The following CCDC7 variants were observed in gnomAD, a reference collection of about 807,000 sequenced individuals.
CCDC7 encodes coiled-coil domain-containing protein 7.
CCDC7 carries 183 observed loss-of-function variants against 196.9 expected under a neutral mutation model. The ratio of observed to expected loss-of-function variants is 0.93; its 90% CI spans 0.82 to 1.05. The LOEUF (loss-of-function observed/expected upper bound fraction) is 1.05, where lower values mean the gene tolerates loss of function less well. Ranked by LOEUF, CCDC7 falls within the 50% of genes least tolerant of loss-of-function variation. The probability of loss-of-function intolerance (pLI) is 0.00; values close to 1 mark genes in which losing one functional copy is unlikely to be tolerated. For synonymous variants in CCDC7, 525 were observed against 484.6 expected (o/e 1.08, Z -1.10); for missense variants, 1,540 against 1,482.2 (o/e 1.04, Z -0.64).
rs552957790 is a variant in CCDC7, at chr10:32,807,888, G to A, written c.3097+2790G>A. 7.2e-5 allele frequency among the ~76,000 whole-genome samples: 11 copies of A among 152,022 alleles called. No homozygotes were observed. The East Asian group carries it at 1.4e-3, about 19-fold the overall frequency. ...TGGGACTACAGGCATGCACCACCAT[G>A]CCCAGCTAATTTTTGTATTTTCAGT... On this transcript the variant is annotated intron_variant, in intron 30 of 41. Coordinates refer to ENST00000639629, the Ensembl canonical transcript of CCDC7.
intron 9 of CCDC7, among the ~76,000 whole-genome samples, chr10:32,494,641 C>T (rs11596240): frequency 0.35 from 52,816 of 151,966 alleles, 11,502 homozygotes; most frequent in Non-Finnish European, 0.5. Flanking sequence ...CGAGAACATG[C>T]GGTGTTTGGT....
chr10:32,808,033 A>C (rs2086227226), intron 30 of CCDC7, among the ~76,000 whole-genome samples: 1 of 151,826 alleles, frequency 6.6e-6, no homozygotes. Context: ...ACTGAGAGCA[A>C]CTCAATCCTA....
chr10:32,805,143 C>T, intron 30 of CCDC7, 45 bp downstream of exon 31: 1 of 1,405,100 alleles, frequency 7.1e-7, no homozygotes, highest in Non-Finnish European at 1.0e-6. Context: ...TTATTTTTCT[C>T]CTTCAAAGTT....
intron 28 of CCDC7, among the ~76,000 whole-genome samples, chr10:32,735,834 T>C (rs2084770362): frequency 6.6e-6 from 1 of 152,186 alleles, no homozygotes; most frequent in Non-Finnish European, 1.5e-5. Context: ...CCACTATGAG[T>C]TCATTTTTGG....
chr10:32,856,631 C>G (rs1404805470), intron 41 of CCDC7, among the ~76,000 whole-genome samples: 1 of 152,200 alleles, frequency 6.6e-6, no homozygotes, highest in Non-Finnish European at 1.5e-5. Flanking sequence ...CCTGACCTCA[C>G]AGAGCCTGCG....
chr10:32,470,671 T>A lies in CCDC7; in HGVS notation c.511-393T>A, dbSNP rs1471752768. Among the ~76,000 whole-genome samples, 3 of 152,158 alleles carry A rather than the reference T, an allele frequency of 2.0e-5. No individual in the cohort carries two copies. The East Asian group carries it at 5.8e-4, about 29-fold the overall frequency. ...GAGTTAGTAATAGACAGTATTAGCC[T>A]TTGAGAGAAAATTACTGTCTTTAGA... is the stretch of plus-strand genomic sequence containing the variant. On this transcript the variant is annotated intron_variant, in intron 5 of 41. Transcript: ENST00000639629.
intron 13 of CCDC7, among the ~76,000 whole-genome samples, chr10:32,555,636 T>G (rs1339490099): frequency 6.6e-6 from 1 of 151,996 alleles, no homozygotes; most frequent in African/African-American, 2.4e-5. Context: ...ATATATAGGG[T>G]GGGAAAAAAT....
At chr10:32,535,813 G>A (rs79941587) in intron 11 of CCDC7, among the ~76,000 whole-genome samples, 8,066 of 152,246 alleles carry the variant, frequency 0.053, 707 homozygotes, top group African/African-American at 0.18. Context: ...TGCAGATGCA[G>A]ATTTCCCTGG....
exon 23 of CCDC7, chr10:32,882,710 T>C (rs2094835760): frequency 6.6e-6 from 1 of 152,226 alleles, no homozygotes. Flanking sequence ...CTTTACCATA[T>C]GGAACAATTT....
chr10:32,779,613 TA>T (rs1392337418), intron 29 of CCDC7, among the ~76,000 whole-genome samples: 11 of 152,280 alleles, frequency 7.2e-5, no homozygotes, highest in Non-Finnish European at 1.6e-4. Flanking sequence ...TCTAATAAGA[TA>T]AAACCAAAGT....
chr10:32,695,567 G>A (rs1223564741), intron 24 of CCDC7, among the ~76,000 whole-genome samples: 1 of 152,128 alleles, frequency 6.6e-6, no homozygotes, highest in Non-Finnish European at 1.5e-5. Flanking sequence ...CCTTTTACTT[G>A]TTGGGGCTAA....
rs569145580 is a variant in CCDC7 at position 32,826,898 on chromosome 10, C to T, written c.3268+2294C>T. Among the ~76,000 whole-genome samples the T allele has an allele frequency of 5.8e-4, 88 of 152,280 alleles. No homozygotes were observed. The Middle Eastern group carries it at 0.014, about 24-fold the overall frequency. On this transcript the variant is annotated intron_variant, in intron 32 of 41. Coordinates refer to ENST00000639629, the Ensembl canonical transcript of CCDC7. Reference sequence around the variant, plus strand: ...CAGATGTGTGATTATATATTTGATTCGTGGGTTGGAGCCAATAGTTTGTCT... The same window carrying T: ...CAGATGTGTGATTATATATTTGATTTGTGGGTTGGAGCCAATAGTTTGTCT...
At chr10:32,544,404 GT>G in intron 13 of CCDC7, 103 bp downstream of exon 14, 1 of 1,175,030 alleles carries the variant, frequency 8.5e-7, no homozygotes, top group Non-Finnish European at 1.2e-6. Context: ...GGGTATATAT[GT>G]CTGTGTGTGT....
chr10:32,523,805 T>G (rs142153532), intron 11 of CCDC7, among the ~76,000 whole-genome samples: 1,848 of 152,294 alleles, frequency 0.012, 124 homozygotes, highest in Admixed American at 0.11. Flanking sequence ...TCCTGCTTTT[T>G]TTTTGGTTTC....
chr10:32,793,669 C>T (rs2083078741), intron 29 of CCDC7, among the ~76,000 whole-genome samples: 1 of 152,114 alleles, frequency 6.6e-6, no homozygotes, highest in Non-Finnish European at 1.5e-5. Context: ...TTTATTCATA[C>T]ATTTGTTATT....
At chr10:32,566,189 C>T (rs572208613) in intron 14 of CCDC7, among the ~76,000 whole-genome samples, 1 of 152,124 alleles carries the variant, frequency 6.6e-6, no homozygotes, top group Non-Finnish European at 1.5e-5. Flanking sequence ...AAATGAGCAA[C>T]CTTTCACGTA....
chr10:32,478,476 T>C (rs540798423), intron 8 of CCDC7, among the ~76,000 whole-genome samples: 2 of 152,282 alleles, frequency 1.3e-5, no homozygotes, highest in South Asian at 4.1e-4. Flanking sequence ...TGAGGAAGCT[T>C]ACTTCTATTT....
intron 21 of CCDC7, among the ~76,000 whole-genome samples, chr10:32,685,563 G>A (rs573632583): frequency 2.0e-5 from 3 of 152,202 alleles, no homozygotes; most frequent in Non-Finnish European, 2.9e-5. Context: ...GAACTTTATG[G>A]TATATACATT....
At chr10:32,444,384 C>T (rs1421161873), upstream of CCDC7, among the ~76,000 whole-genome samples, 6 of 152,182 alleles carry the variant, frequency 3.9e-5, no homozygotes, top group African/African-American at 9.7e-5. Flanking sequence ...TTTACATTGT[C>T]AGCACTGATA....
Sources: allele counts gnomAD v4.1 joint callset (sites outside exome capture counted in the v4.1 genomes callset), GRCh38; gene constraint gnomAD v4.1.1; transcripts MANE v1.5; gene names NCBI Gene and HGNC (gene_info 2026-07-23, HGNC 2026-07-21).